Variants in HDAC2 observed in about 807,000 individuals in gnomAD.
The protein encoded by HDAC2 is histone deacetylase 2.
HDAC2 carries 5 observed loss-of-function variants against 68.5 expected under a neutral mutation model. The ratio of observed to expected loss-of-function variants is 0.07; its 90% CI spans 0.04 to 0.15. HDAC2 has a LOEUF of 0.15. Ranked by LOEUF, HDAC2 falls within the 10% of genes least tolerant of loss-of-function variation. The pLI is 1.00. For synonymous variants in HDAC2, 182 were observed against 191.3 expected, an observed-to-expected ratio of 0.95 and a Z score of 0.40; for missense variants, 291 against 600.8, an observed-to-expected ratio of 0.48 and a Z score of 5.39.
At chr6:113,941,518 C>A (rs1776134214) in intron 13 of HDAC2, among the ~76,000 whole-genome samples, 190 bp downstream of exon 13, 1 of 152,104 alleles carries the variant, frequency 6.6e-6, no homozygotes, top group Admixed American at 6.5e-5. Flanking sequence ...TATAGTTATA[C>A]TGATAAACCA....
chr6:113,950,389 TTTG>T (rs961908550), intron 6 of HDAC2, among the ~76,000 whole-genome samples: 22 of 151,634 alleles, frequency 1.5e-4, no homozygotes, highest in Non-Finnish European at 2.8e-4. Flanking sequence ...GTTGTTTTTT[TTTG>T]TTTTTTGAGA....
At chr6:113,965,536 C>CA (rs1562150354) in intron 1 of HDAC2, among the ~76,000 whole-genome samples, 1 of 151,698 alleles carries the variant, frequency 6.6e-6, no homozygotes. Context: ...GCCCAGCTAA[C>CA]TTTTTTTTGT....
At chr6:113,965,993 G>A (rs534606213) in intron 1 of HDAC2, among the ~76,000 whole-genome samples, 1 of 150,136 alleles carries the variant, frequency 6.7e-6, no homozygotes, top group African/African-American at 2.4e-5. Flanking sequence ...TTTTGTTAAG[G>A]AGTTTTGTTT....
Position 113,941,063 on chromosome 6 carries a change from G to T in HDAC2, c.1462C>A (p.Pro488Thr). The T allele has an allele frequency of 6.2e-7, 1 of 1,606,104 alleles. No homozygotes were observed. The highest frequency in any genetic ancestry group is 8.5e-7 in the Non-Finnish European group (1 of 1,176,196). Reference sequence around the variant, plus strand: ...AATTGGTGAGACTGTCAAATTCAGGGGTTGCTGAGCTGTTCTGATTTGGTT... The same window carrying T: ...AATTGGTGAGACTGTCAAATTCAGGTGTTGCTGAGCTGTTCTGATTTGGTT... ...KGTKSEQLSN[P>T] Residue 488 changes from proline to threonine, a missense_variant, in exon 14 of 14, where the codon CCC (proline) becomes ACC (threonine). Pro to Thr is a conservative substitution (Grantham distance 38). Coordinates refer to ENST00000519065, the MANE Select transcript of HDAC2 (RefSeq NM_001527.4).
intron 1 of HDAC2, among the ~76,000 whole-genome samples, chr6:113,968,981 T>C (rs1776904654): frequency 1.3e-5 from 2 of 152,204 alleles, no homozygotes. Flanking sequence ...TCAGTACCAC[T>C]TTCCCTAACC....
intron 1 of HDAC2, among the ~76,000 whole-genome samples, chr6:113,967,550 C>T (rs1213515272): frequency 6.6e-6 from 1 of 152,148 alleles, no homozygotes; most frequent in Non-Finnish European, 1.5e-5. Context: ...AAAAATAGAG[C>T]ACAGAGAAAT....
At chr6:113,954,744 TCAGCCTCTATGG>T (rs1239906277) in intron 5 of HDAC2, among the ~76,000 whole-genome samples, 11 of 152,234 alleles carry the variant, frequency 7.2e-5, no homozygotes, top group Admixed American at 7.2e-4. Flanking sequence ...GACTGAAAAG[TCAGCCTCTATGG>T]ATAGCATGCA....
At chr6:113,942,493 T>C (rs1385912856) in intron 12 of HDAC2, among the ~76,000 whole-genome samples, 2 of 148,450 alleles carry the variant, frequency 1.3e-5, no homozygotes, top group African/African-American at 4.9e-5. Context: ...ATAGGAAAAA[T>C]TGGATCATTA....
rs779821617 is a variant in HDAC2 at position 113,942,919 on chromosome 6, T to G, written c.1378+432A>C. On this transcript the variant is annotated intron_variant, in intron 12 of 13. Coordinates refer to ENST00000519065, the MANE Select transcript of HDAC2 (RefSeq NM_001527.4). Reference sequence around the variant, plus strand: ...CAATTTCTGAACAAAATCCATTATTTGACCTTTTTCAAAATGGCAAAACTG... The same window carrying G: ...CAATTTCTGAACAAAATCCATTATTGGACCTTTTTCAAAATGGCAAAACTG... Among the ~76,000 whole-genome samples the G allele has an allele frequency of 2.0e-5, 3 of 152,172 alleles. No individual in the cohort carries two copies. In the South Asian group the frequency reaches 6.2e-4, roughly 31 times the overall value.
intron 5 of HDAC2, among the ~76,000 whole-genome samples, chr6:113,954,467 G>A (rs1776499253): frequency 6.6e-6 from 1 of 152,144 alleles, no homozygotes; most frequent in Non-Finnish European, 1.5e-5. Flanking sequence ...AAGGAAAGCT[G>A]TGCACCAAGT....
At chr6:113,969,763 T>C (rs1776930553) in intron 1 of HDAC2, 1 of 152,248 alleles carries the variant, frequency 6.6e-6, no homozygotes, top group African/African-American at 2.4e-5. Flanking sequence ...TATCTGACTT[T>C]TATAATTCAC....
At chr6:113,967,461 T>C (rs537280450) in intron 1 of HDAC2, among the ~76,000 whole-genome samples, 6 of 152,258 alleles carry the variant, frequency 3.9e-5, no homozygotes, top group Non-Finnish European at 8.8e-5. Flanking sequence ...TATATAGTTT[T>C]ATCTGTATAC....
intron 6 of HDAC2, among the ~76,000 whole-genome samples, chr6:113,950,342 T>C (rs1776380089): frequency 6.6e-6 from 1 of 152,046 alleles, no homozygotes; most frequent in African/African-American, 2.4e-5. Context: ...AAATAGTATT[T>C]TAACTGCAAT....
chr6:113,942,432 T>TAAA (rs5879239), intron 12 of HDAC2, among the ~76,000 whole-genome samples: 148 of 141,656 alleles, frequency 1.0e-3, no homozygotes, highest in African/African-American at 2.8e-3. Context: ...CTCTCTAGTT[T>TAAA]AAAAAAAAAA....
rs1056886221 is a variant in HDAC2, at chr6:113,950,696, G to A, written c.640-1436C>T. On this transcript the variant is annotated intron_variant, in intron 6 of 13. Coordinates refer to ENST00000519065, the MANE Select transcript of HDAC2 (RefSeq NM_001527.4). ...CAGGCATGAGCCACTGCGCCTGAGT[G>A]GGGTGGGGGGGGGGTGCCTAATTCT... Among the ~76,000 whole-genome samples, 85 of 123,064 alleles carry A rather than the reference G, an allele frequency of 6.9e-4. 1 individual carries two copies. The Admixed American group carries it at 7.0e-3, about 10-fold the overall frequency. 80.7% of individuals were successfully genotyped at this position (123,064 alleles called of 152,430 possible).
intron 6 of HDAC2, among the ~76,000 whole-genome samples, chr6:113,950,611 G>A (rs140705577): frequency 7.4e-5 from 11 of 148,986 alleles, no homozygotes; most frequent in African/African-American, 2.7e-4. Flanking sequence ...GGTCAGGCTG[G>A]TCTCGAACTC....
At chr6:113,950,081 TC>T (rs1298654169) in intron 6 of HDAC2, among the ~76,000 whole-genome samples, 1 of 152,054 alleles carries the variant, frequency 6.6e-6, no homozygotes, top group African/African-American at 2.4e-5. Context: ...GTGCCCAGCC[TC>T]AGATTTGTTC....
At chr6:113,957,485 CT>C (rs200098767) in intron 3 of HDAC2, among the ~76,000 whole-genome samples, 179 of 145,550 alleles carry the variant, frequency 1.2e-3, no homozygotes, top group Admixed American at 1.6e-3. Flanking sequence ...AGATCATAAT[CT>C]TTTTTTTTTT....
intron 12 of HDAC2, among the ~76,000 whole-genome samples, chr6:113,942,084 T>C (rs1323429225): frequency 6.6e-6 from 1 of 151,814 alleles, no homozygotes; most frequent in Admixed American, 6.6e-5. Flanking sequence ...CAAGGCCCTA[T>C]CGAAAGAGCC....
Sources: allele counts gnomAD v4.1 joint callset (sites outside exome capture counted in the v4.1 genomes callset), GRCh38; gene constraint gnomAD v4.1.1; transcripts MANE v1.5; gene names NCBI Gene and HGNC (gene_info 2026-07-23, HGNC 2026-07-21).